PTPRC: variants seen among roughly 807,000 people sequenced by gnomAD.
PTPRC encodes receptor-type tyrosine-protein phosphatase C.
A neutral mutation model predicts 155.9 loss-of-function variants in PTPRC; 44 were observed. The ratio of observed to expected loss-of-function variants is 0.28; its 90% CI spans 0.22 to 0.36. The LOEUF is 0.36. Among genes scored for constraint, PTPRC ranks in the 10% least tolerant of loss-of-function variants. The probability of loss-of-function intolerance (pLI) is 1.00; values close to 1 mark genes in which losing one functional copy is unlikely to be tolerated. For missense variants in PTPRC, 1,401 were observed against 1,564.6 expected, an observed-to-expected ratio of 0.90 and a Z score of 1.76; for synonymous variants, 525 against 533.1, an observed-to-expected ratio of 0.98 and a Z score of 0.21.
At chr1:198,732,059 T>C (rs1470789084) in intron 18 of PTPRC, among the ~76,000 whole-genome samples, 1 of 151,990 alleles carries the variant, frequency 6.6e-6, no homozygotes, top group Non-Finnish European at 1.5e-5. Context: ...CAACAACTAA[T>C]CCTAAATTTG....
At position 198,689,717 on chromosome 1, in the gene PTPRC, C is replaced by G. The variant is rs563334786; in HGVS notation, c.74-2630C>G. On this transcript the variant is annotated intron_variant, in intron 2 of 32. Coordinates refer to ENST00000442510, the MANE Select transcript of PTPRC (RefSeq NM_002838.5). ...TGCACTTACTCATGCTTAAAAGAAT[C>G]CAGCAATTACTTATCAATCACTTCT... 2.0e-5 allele frequency among the ~76,000 whole-genome samples: 3 copies of G among 152,252 alleles called. No individual in the cohort carries two copies. The South Asian group carries it at 6.2e-4, about 32-fold the overall frequency.
Position 198,756,015 on chromosome 1 carries a change from T to C in PTPRC, c.3755T>C (p.Val1252Ala), listed in dbSNP as rs765039278. 1.2e-6 allele frequency: 2 copies of C among 1,613,232 alleles called. No individual in the cohort carries two copies. Among genetic ancestry groups the C allele is most frequent in the African/African-American group, 1.3e-5 (1 of 74,836 alleles). Reference protein sequence around the residue: ...QEDKIEFDNEVDKVKQDANCV... With the variant: ...QEDKIEFDNEADKVKQDANCV... ...GATAAAATTGAATTTGATAATGAAG[T>C]GGACAAAGTAAAGCAGGATGCTAAT... Residue 1252 changes from valine (V) to alanine (A), a missense_variant, in exon 33 of 33, where the codon GTG becomes GCG. Coordinates refer to ENST00000442510, the MANE Select transcript of PTPRC (RefSeq NM_002838.5).
At chr1:198,692,121 G>C (rs1490159205) in intron 2 of PTPRC, among the ~76,000 whole-genome samples, 1 of 151,954 alleles carries the variant, frequency 6.6e-6, no homozygotes, top group Non-Finnish European at 1.5e-5. Context: ...TTCTGATTTA[G>C]CCTGGGGATT....
At chr1:198,739,846 C>T (rs67755232) in intron 23 of PTPRC, among the ~76,000 whole-genome samples, 31,761 of 151,304 alleles carry the variant, frequency 0.21, 3,973 homozygotes, top group African/African-American at 0.34. Context: ...ACAAGTCTTA[C>T]AAAATTAAAA....
intron 13 of PTPRC, 108 bp downstream of exon 13, chr1:198,716,948 C>A: frequency 9.4e-7 from 1 of 1,060,286 alleles, no homozygotes; most frequent in Non-Finnish European, 1.4e-6. Flanking sequence ...ATTTACCTGG[C>A]ACATTTGTTA....
chr1:198,706,710 A>C (rs1401201916), intron 8 of PTPRC, 24 bp from the exon 9 acceptor site: 1 of 1,595,446 alleles, frequency 6.3e-7, no homozygotes, highest in East Asian at 2.2e-5. Flanking sequence ...GAAAAATAAC[A>C]CTCAATGTTC....
chr1:198,750,411 A>ATATT, intron 28 of PTPRC, 81 bp from the exon 29 acceptor site: 1 of 1,433,420 alleles, frequency 7.0e-7, no homozygotes, highest in Non-Finnish European at 9.8e-7. Flanking sequence ...CAAACTGACT[A>ATATT]TATTTCCAAA....
rs115356032 is a variant in PTPRC, at chr1:198,646,376, T to G, written c.73+7035T>G. On this transcript the variant is annotated intron_variant, in intron 2 of 32. Coordinates refer to ENST00000442510, the MANE Select transcript of PTPRC (RefSeq NM_002838.5). ...ACTTTTCTAAAGGTAATTCTTCTTT[T>G]CAAACAATACAGATCTAAATTTTCC... Among the ~76,000 whole-genome samples, 765 of 151,986 alleles carry G rather than the reference T, an allele frequency of 5.0e-3. 2 individuals are homozygous for G. The highest frequency in any genetic ancestry group is 8.9e-3 in the Non-Finnish European group (603 of 67,882).
intron 4 of PTPRC, among the ~76,000 whole-genome samples, chr1:198,697,976 A>G (rs1336706250): frequency 6.6e-6 from 1 of 152,194 alleles, no homozygotes; most frequent in African/African-American, 2.4e-5. Flanking sequence ...GACCTGTCTA[A>G]ACACTGTAAA....
intron 23 of PTPRC, among the ~76,000 whole-genome samples, chr1:198,741,659 G>GC (rs923407333): frequency 6.6e-6 from 1 of 151,690 alleles, no homozygotes; most frequent in African/African-American, 2.4e-5. Context: ...TGCAAGTCCT[G>GC]CACAATATCT....
At chr1:198,683,890 T>C (rs1264156730) in intron 2 of PTPRC, among the ~76,000 whole-genome samples, 1 of 152,012 alleles carries the variant, frequency 6.6e-6, no homozygotes, top group Non-Finnish European at 1.5e-5. Context: ...AGTATGTCCA[T>C]GGGAAAAAAA....
chr1:198,703,303 T>C lies in PTPRC; in HGVS notation c.589T>C (p.Tyr197His). 6.2e-7 allele frequency: 1 copy of C among 1,613,198 alleles called. No individual in the cohort carries two copies. The highest frequency in any genetic ancestry group is 1.7e-5 in the Admixed American group (1 of 60,022). Residue 197 changes from tyrosine (Y) to histidine (H), a missense_variant, in exon 7 of 33, where the codon TAC (tyrosine) becomes CAC (histidine). Transcript: ENST00000442510. ...TTITANTSDA[Y>H]LNASETTTLS... ...TTCTATTCATTTTCTTGCAGATGCC[T>C]ACCTTAATGCCTCTGAAACAACCAC... is the stretch of plus-strand genomic sequence containing the variant.
chr1:198,729,907 G>A (rs1438893192), intron 17 of PTPRC, among the ~76,000 whole-genome samples: 1 of 152,090 alleles, frequency 6.6e-6, no homozygotes, highest in Non-Finnish European at 1.5e-5. Flanking sequence ...GTGGAGGGAC[G>A]AGTGGATGGA....
At chr1:198,702,565 AT>A in intron 6 of PTPRC, 35 bp downstream of exon 6, 1 of 1,612,336 alleles carries the variant, frequency 6.2e-7, no homozygotes, top group Admixed American at 1.7e-5. Flanking sequence ...GTCTTCAGTT[AT>A]AGATAATGAA....
At chr1:198,743,067 C>CAAAAAAAAAAAAAAAA (rs10628640) in intron 25 of PTPRC, among the ~76,000 whole-genome samples, 1 of 75,954 alleles carries the variant, frequency 1.3e-5, no homozygotes, top group East Asian at 4.3e-4. Flanking sequence ...GTCAAAATAG[C>CAAAAAAAAAAAAAAAA]AAAAAAAAAA....
At chr1:198,674,607 T>C (rs540801048) in intron 2 of PTPRC, among the ~76,000 whole-genome samples, 2 of 150,330 alleles carry the variant, frequency 1.3e-5, no homozygotes, top group South Asian at 2.1e-4. Flanking sequence ...ATTGCAAACA[T>C]TTATAAGATG....
chr1:198,704,700 CA>C (rs1257709563), intron 8 of PTPRC, among the ~76,000 whole-genome samples: 1 of 152,062 alleles, frequency 6.6e-6, no homozygotes, highest in Non-Finnish European at 1.5e-5. Context: ...CTGGGAAATA[CA>C]AGAGCGATGA....
intron 31 of PTPRC, 84 bp downstream of exon 31, chr1:198,752,856 A>G: frequency 6.8e-7 from 1 of 1,462,970 alleles, no homozygotes; most frequent in Non-Finnish European, 9.5e-7. Flanking sequence ...AGTTATCCTC[A>G]TATATGAAAC....
At chr1:198,680,133 G>A (rs1414556616) in intron 2 of PTPRC, 1 of 412,820 alleles carries the variant, frequency 2.4e-6, no homozygotes, top group Non-Finnish European at 4.3e-6. Flanking sequence ...ACTAGCCAGG[G>A]AAGCCGGGGC....
Sources: allele counts gnomAD v4.1 joint callset (sites outside exome capture counted in the v4.1 genomes callset), GRCh38; gene constraint gnomAD v4.1.1; transcripts MANE v1.5; gene names NCBI Gene and HGNC (gene_info 2026-07-23, HGNC 2026-07-21).